ATP2B2: variants seen among roughly 807,000 people sequenced by gnomAD.
The protein encoded by ATP2B2 is ATPase plasma membrane Ca2+ transporting 2.
In ATP2B2, 15 loss-of-function variants were observed where a neutral mutation model predicts 120.0. The ratio of observed to expected loss-of-function variants is 0.12; its 90% CI spans 0.08 to 0.19. ATP2B2 has a LOEUF of 0.19. Ranked by LOEUF, ATP2B2 falls within the 10% of genes least tolerant of loss-of-function variation. ATP2B2 has a pLI of 1.00. For missense variants in ATP2B2, 1,045 were observed against 1,719.8 expected, an observed-to-expected ratio of 0.61 and a Z score of 6.94; for synonymous variants, 694 against 700.3, an observed-to-expected ratio of 0.99 and a Z score of 0.14.
At chr3:10,639,580 C>G (rs1250999161) in intron 1 of ATP2B2, among the ~76,000 whole-genome samples, 1 of 152,146 alleles carries the variant, frequency 6.6e-6, no homozygotes. Context: ...AATACCAGAA[C>G]CTTGATGGAT....
chr3:10,340,744 T>G lies in ATP2B2; in HGVS notation c.2918-40A>C. 6.2e-7 allele frequency: 1 copy of G among 1,607,574 alleles called. No homozygotes were observed. Among genetic ancestry groups the G allele is most frequent in the Non-Finnish European group, 8.5e-7 (1 of 1,174,844 alleles). On this transcript the variant is annotated intron_variant, in intron 19 of 22. Coordinates refer to ENST00000360273, the MANE Select transcript of ATP2B2 (RefSeq NM_001001331.4). This position sits in a 1 kb window ranked among gnomAD's most constrained non-coding sequence, Gnocchi z 5.0. ...AGTGGGGCTGGGCTGAAGGCAGTGG[T>G]GGGGGAATCAGAGGGGAGATGCCTG... is the stretch of plus-strand genomic sequence containing the variant.
intron 1 of ATP2B2, among the ~76,000 whole-genome samples, chr3:10,669,394 T>C (rs1454748078): frequency 6.6e-6 from 1 of 152,104 alleles, no homozygotes; most frequent in Non-Finnish European, 1.5e-5. Flanking sequence ...CCCATTCCTA[T>C]TCTGCAGGTC....
intron 1 of ATP2B2, among the ~76,000 whole-genome samples, chr3:10,478,525 T>G (rs1196021974): frequency 3.3e-5 from 5 of 152,186 alleles, no homozygotes; most frequent in African/African-American, 9.7e-5. Context: ...GGATTTAGAC[T>G]CAACGTATCT....
At chr3:10,461,035 C>G (rs1003248560) in intron 1 of ATP2B2, among the ~76,000 whole-genome samples, 1 of 152,152 alleles carries the variant, frequency 6.6e-6, no homozygotes, top group Admixed American at 6.5e-5. Context: ...GAAAGTCTTT[C>G]TATGTGTTCC....
At chr3:10,650,237 T>C (rs945752135) in intron 1 of ATP2B2, among the ~76,000 whole-genome samples, 2 of 152,240 alleles carry the variant, frequency 1.3e-5, no homozygotes, top group African/African-American at 2.4e-5. Context: ...TGGTCTCAGA[T>C]GGAGTTGAGG....
intron 1 of ATP2B2, among the ~76,000 whole-genome samples, chr3:10,652,480 AG>A (rs1354594734): frequency 1.3e-5 from 2 of 152,232 alleles, no homozygotes; most frequent in Non-Finnish European, 2.9e-5. Context: ...TTGATGTTAC[AG>A]GGCGCCCTGA....
intron 2 of ATP2B2, among the ~76,000 whole-genome samples, chr3:10,554,608 G>A (rs1032756915): frequency 2.0e-5 from 3 of 152,182 alleles, no homozygotes; most frequent in Admixed American, 6.5e-5. Flanking sequence ...GCTCTGCCTC[G>A]ATTTCAGCCC....
chr3:10,475,329 A>C (rs1320122927), intron 1 of ATP2B2, among the ~76,000 whole-genome samples: 1 of 152,184 alleles, frequency 6.6e-6, no homozygotes, highest in East Asian at 1.9e-4. Context: ...GTCATGTCAG[A>C]GCTCCCCCAC....
chr3:10,591,109 T>C (rs1438474700), intron 2 of ATP2B2, among the ~76,000 whole-genome samples: 2 of 151,982 alleles, frequency 1.3e-5, no homozygotes, highest in Non-Finnish European at 2.9e-5. Flanking sequence ...AACTCACCCT[T>C]CTGAGAGGAA....
At chr3:10,681,277 C>A (rs1197365205) in intron 1 of ATP2B2, among the ~76,000 whole-genome samples, 1 of 152,196 alleles carries the variant, frequency 6.6e-6, no homozygotes, top group Admixed American at 6.5e-5. Flanking sequence ...TGGCCACGTC[C>A]CCCAGCAGCT....
intron 2 of ATP2B2, among the ~76,000 whole-genome samples, chr3:10,411,223 T>C (rs1302575046): frequency 6.6e-6 from 1 of 151,124 alleles, no homozygotes; most frequent in African/African-American, 2.4e-5. Context: ...AGAGGCAGAG[T>C]TTGGAGTGAT....
intron 3 of ATP2B2, among the ~76,000 whole-genome samples, chr3:10,533,006 C>T (rs1014617): frequency 2.6e-5 from 4 of 152,108 alleles, no homozygotes; most frequent in Non-Finnish European, 4.4e-5. Context: ...GCTCTGGCTC[C>T]GAGGACAAGC....
At chr3:10,651,773 A>C (rs563311835) in intron 1 of ATP2B2, among the ~76,000 whole-genome samples, 1 of 151,954 alleles carries the variant, frequency 6.6e-6, no homozygotes, top group Non-Finnish European at 1.5e-5. Flanking sequence ...GGATGGATGG[A>C]TAGATGGATG....
At chr3:10,504,564 C>T (rs1431954535) in intron 1 of ATP2B2, among the ~76,000 whole-genome samples, 3 of 150,702 alleles carry the variant, frequency 2.0e-5, no homozygotes, top group Non-Finnish European at 4.4e-5. Context: ...TCCAGAGCAC[C>T]CCCCCAACCC....
intron 3 of ATP2B2, among the ~76,000 whole-genome samples, chr3:10,511,211 C>G (rs56089891): frequency 0.15 from 22,118 of 152,090 alleles, 2,882 homozygotes; most frequent in African/African-American, 0.34. Context: ...ACTGATCCTT[C>G]AAGACTCAGC....
chr3:10,403,268 C>T (rs1458274885), intron 3 of ATP2B2, among the ~76,000 whole-genome samples: 5 of 152,206 alleles, frequency 3.3e-5, no homozygotes, highest in African/African-American at 7.2e-5. Context: ...AGTGAGCCGC[C>T]CTCCACAGTG....
intron 1 of ATP2B2, among the ~76,000 whole-genome samples, chr3:10,481,999 G>T (rs2065432487): frequency 6.6e-6 from 1 of 152,176 alleles, no homozygotes; most frequent in South Asian, 2.1e-4. Context: ...TCGGACTGAG[G>T]GGTGTCCTGG....
rs2070011308 is a variant in ATP2B2 at position 10,636,000 on chromosome 3, A to T, written c.-459-16039T>A. On this transcript the variant is annotated intron_variant, in intron 1 of 21. Transcript: ENST00000646379. This position sits in a 1 kb window ranked among gnomAD's most constrained non-coding sequence, Gnocchi z 4.3. ...CTAAATTCTGCACAAGTGCTCAGGG[A>T]TGCAAACTCTGCCATTTGGCAGCCT... Among the ~76,000 whole-genome samples, 1 of 152,220 alleles carries T rather than the reference A, an allele frequency of 6.6e-6. No homozygotes were observed. The highest frequency in any genetic ancestry group is 1.5e-5 in the Non-Finnish European group (1 of 68,028).
At chr3:10,680,414 C>T (rs529411069) in intron 1 of ATP2B2, among the ~76,000 whole-genome samples, 5 of 152,120 alleles carry the variant, frequency 3.3e-5, no homozygotes, top group Admixed American at 6.5e-5. Context: ...ACCTCTTTAT[C>T]GAGCTCTTAA....
Sources: gnomAD v4.1 joint callset for allele counts (sites outside exome capture counted in the v4.1 genomes callset) on GRCh38, gnomAD v4.1.1 for gene constraint, Gnocchi (gnomAD v3.1) non-coding constraint, MANE v1.5 for transcripts, NCBI Gene and HGNC (gene_info 2026-07-23, HGNC 2026-07-21) for gene names.